The following TBC1D23 variants were observed in gnomAD, a reference collection of about 807,000 sequenced individuals.
The protein encoded by TBC1D23 is HCV non-structural protein 4A-transactivated protein 1.
TBC1D23 carries 55 observed loss-of-function variants against 91.4 expected under a neutral mutation model. The ratio of observed to expected loss-of-function variants is 0.60; its 90% CI spans 0.48 to 0.75. The LOEUF (loss-of-function observed/expected upper bound fraction) is 0.75. Ranked by LOEUF, TBC1D23 falls within the 30% of genes least tolerant of loss-of-function variation. The pLI is 0.00. For synonymous variants in TBC1D23, 289 were observed against 281.0 expected (o/e 1.03, Z -0.28); for missense variants, 725 against 836.1 (o/e 0.87, Z 1.64).
At chr3:100,318,470 A>G (rs1413897603) in intron 16 of TBC1D23, among the ~76,000 whole-genome samples, 3 of 152,108 alleles carry the variant, frequency 2.0e-5, no homozygotes, top group Non-Finnish European at 4.4e-5. Flanking sequence ...GATCATAGTT[A>G]AGTTATGCAT....
chr3:100,263,750 G>T (rs1203012787), intron 1 of TBC1D23, among the ~76,000 whole-genome samples: 1 of 152,136 alleles, frequency 6.6e-6, no homozygotes, highest in African/African-American at 2.4e-5. Flanking sequence ...TCATAAACTG[G>T]CGGTAACCAG....
chr3:100,263,866 A>G (rs1356821043), intron 1 of TBC1D23, among the ~76,000 whole-genome samples: 2 of 152,196 alleles, frequency 1.3e-5, no homozygotes, highest in Admixed American at 1.3e-4. Flanking sequence ...GGCAGAGGAC[A>G]TGGAGTGAAT....
chr3:100,263,339 C>G (rs1364193662), intron 1 of TBC1D23, among the ~76,000 whole-genome samples: 4 of 152,156 alleles, frequency 2.6e-5, no homozygotes. Flanking sequence ...TCAGTTAAGG[C>G]GGGGCAGGGC....
rs1705922840 is a variant in TBC1D23 at position 100,324,801 on chromosome 3, T to C, written c.*1133T>C. The C allele has an allele frequency of 6.6e-6, 1 of 152,220 alleles. No individual in the cohort carries two copies. Among genetic ancestry groups the C allele is most frequent in the South Asian group, 2.1e-4 (1 of 4,834 alleles). The allele number at this position is 152,220 out of a possible 1,614,324, so 9.4% of individuals were successfully genotyped here. A position where few individuals can be genotyped will look rare whatever the true frequency, so the allele number is the denominator to read the frequency against. On this transcript the variant is annotated 3_prime_UTR_variant, in exon 19 of 19. Transcript: ENST00000394144. ...CATTTAGGGCCATGGAATAGTATTT[T>C]GTAAAATCCATTTGGGAAGTTGCAA... is the stretch of plus-strand genomic sequence containing the variant.
intron 9 of TBC1D23, among the ~76,000 whole-genome samples, chr3:100,298,348 T>G (rs1705345403): frequency 6.6e-6 from 1 of 152,224 alleles, no homozygotes; most frequent in African/African-American, 2.4e-5. Context: ...TATAAAATAC[T>G]TTTAAAAGGG....
At chr3:100,318,754 G>A (rs1303121691) in intron 16 of TBC1D23, among the ~76,000 whole-genome samples, 3 of 151,394 alleles carry the variant, frequency 2.0e-5, no homozygotes, top group Non-Finnish European at 2.9e-5. Context: ...GGGTTCAAGC[G>A]ATTCTCATGC....
At chr3:100,317,007 C>T (rs1479570093) in intron 16 of TBC1D23, among the ~76,000 whole-genome samples, 1 of 151,182 alleles carries the variant, frequency 6.6e-6, no homozygotes, top group East Asian at 1.9e-4. Flanking sequence ...CGCTTTAACC[C>T]AGGAGGCGGA....
At chr3:100,301,778 C>T in intron 10 of TBC1D23, 1 of 282,372 alleles carries the variant, frequency 3.5e-6, no homozygotes, top group South Asian at 5.4e-5. Context: ...ACTGTTGCTA[C>T]TTGTTATTTA....
chr3:100,264,085 G>T (rs575989079), intron 1 of TBC1D23, among the ~76,000 whole-genome samples: 34 of 152,266 alleles, frequency 2.2e-4, no homozygotes, highest in Non-Finnish European at 2.4e-4. Context: ...AAGACTTTGG[G>T]ATTGGGAGCC....
chr3:100,299,352 A>G (rs771656731), intron 10 of TBC1D23, 21 bp downstream of exon 10: 18 of 1,466,378 alleles, frequency 1.2e-5, no homozygotes, highest in African/African-American at 5.6e-5. Flanking sequence ...ATGCTGATTA[A>G]TTATTCTTAA....
At chr3:100,264,452 G>A (rs2067542369) in intron 1 of TBC1D23, among the ~76,000 whole-genome samples, 1 of 152,164 alleles carries the variant, frequency 6.6e-6, no homozygotes, top group Non-Finnish European at 1.5e-5. Flanking sequence ...GTTTACAAAT[G>A]TAAGTGTAAT....
At position 100,282,470 on chromosome 3, in the gene TBC1D23, A is replaced by T. The variant is rs1210526829; in HGVS notation, c.271+623A>T. On this transcript the variant is annotated intron_variant, in intron 3 of 18. Transcript: ENST00000394144. ...AGCCCTCAAAGGGGAGCTTTGTTCC[A>T]AAAGTTTATCTATAAATCATAGTTT... Among the ~76,000 whole-genome samples, 3 of 152,210 alleles carry T rather than the reference A, an allele frequency of 2.0e-5. No homozygotes were observed. In the East Asian group the frequency reaches 5.8e-4, roughly 29 times the overall value.
intron 11 of TBC1D23, among the ~76,000 whole-genome samples, 171 bp from the exon 12 acceptor site, chr3:100,304,675 T>A (rs1442017882): frequency 1.3e-5 from 2 of 152,164 alleles, no homozygotes; most frequent in African/African-American, 4.8e-5. Flanking sequence ...CAATGCATAA[T>A]AAGGTAAATG....
rs751053999 is a variant in TBC1D23 at position 100,280,912 on chromosome 3, C to A, written c.166-830C>A. 3.9e-5 allele frequency among the ~76,000 whole-genome samples: 6 copies of A among 152,188 alleles called. No homozygotes were observed. In the East Asian group the frequency reaches 1.2e-3, roughly 29 times the overall value. ...CAGTGGCTCACACCTGTAATCCCAG[C>A]ACTTTGGGAAGTTGAGGCAGGTGGA... On this transcript the variant is annotated intron_variant, in intron 2 of 18. Coordinates refer to ENST00000394144, the MANE Select transcript of TBC1D23 (RefSeq NM_001199198.3).
chr3:100,308,319 C>CA lies in TBC1D23; in HGVS notation c.1413+1783dup, dbSNP rs561676399. Among the ~76,000 whole-genome samples, 749 of 151,728 alleles carry CA rather than the reference C, an allele frequency of 4.9e-3. 1 individual carries two copies. The highest frequency in any genetic ancestry group is 8.4e-3 in the Non-Finnish European group (567 of 67,890). ...TGAAACCCCGTCTCTACTAAAAATA[C>CA]AAAAAAATAGCCGGGCGTGGTGGCA... On this transcript the variant is annotated intron_variant, in intron 13 of 18. Transcript: ENST00000394144.
chr3:100,320,145 C>T (rs1010955537), intron 17 of TBC1D23, among the ~76,000 whole-genome samples: 4 of 152,160 alleles, frequency 2.6e-5, no homozygotes, highest in East Asian at 1.9e-4. Context: ...CTTTTCTCTT[C>T]ATGATGAATG....
At chr3:100,315,076 G>A in intron 15 of TBC1D23, among the ~76,000 whole-genome samples, 1 of 151,028 alleles carries the variant, frequency 6.6e-6, no homozygotes, top group East Asian at 1.9e-4. Context: ...CCAAAGAAAG[G>A]TCACACTTCC....
At chr3:100,276,517 A>T (rs2067650205) in intron 1 of TBC1D23, among the ~76,000 whole-genome samples, 1 of 152,204 alleles carries the variant, frequency 6.6e-6, no homozygotes, top group Non-Finnish European at 1.5e-5. Flanking sequence ...TCCTTCTCCC[A>T]TACATTGTGC....
intron 16 of TBC1D23, among the ~76,000 whole-genome samples, chr3:100,316,455 T>C (rs1705746333): frequency 6.6e-6 from 1 of 151,812 alleles, no homozygotes; most frequent in Admixed American, 6.6e-5. Flanking sequence ...TAAAGTATAA[T>C]AATAATAAAA....
Sources: allele counts gnomAD v4.1 joint callset (sites outside exome capture counted in the v4.1 genomes callset), GRCh38; gene constraint gnomAD v4.1.1; transcripts MANE v1.5; gene names NCBI Gene and HGNC (gene_info 2026-07-23, HGNC 2026-07-21).